The following FBP2 variants were observed in gnomAD, a reference collection of about 807,000 sequenced individuals.
The protein encoded by FBP2 is fructose-bisphosphatase 2, also known as fructose-1,6-bisphosphatase isozyme 2.
Under a neutral mutation model 31.6 loss-of-function variants are expected in FBP2, and 27 were observed. The observed-to-expected ratio is 0.85, with a 90% CI of 0.63 to 1.18. FBP2 has a LOEUF of 1.18. FBP2 is among the 50% of genes most tolerant of loss of function. The probability of loss-of-function intolerance (pLI) is 0.00; values close to 1 mark genes in which losing one functional copy is unlikely to be tolerated. For missense variants in FBP2, 421 were observed against 436.1 expected (o/e 0.97, Z 0.31); for synonymous variants, 168 against 179.8 (o/e 0.93, Z 0.53).
At chr9:94,575,470 T>C (rs1827307189) in intron 3 of FBP2, among the ~76,000 whole-genome samples, 1 of 152,250 alleles carries the variant, frequency 6.6e-6, no homozygotes, top group Non-Finnish European at 1.5e-5. Context: ...TTTGTTCTTT[T>C]TCATTGCTAT....
At chr9:94,571,280 C>T (rs1292201984) in intron 4 of FBP2, among the ~76,000 whole-genome samples, 182 bp downstream of exon 4, 1 of 152,210 alleles carries the variant, frequency 6.6e-6, no homozygotes, top group Non-Finnish European at 1.5e-5. Context: ...AGTGCCCTCA[C>T]TGGGACAGAG....
intron 6 of FBP2, among the ~76,000 whole-genome samples, chr9:94,559,367 T>C (rs1212266461): frequency 6.6e-6 from 1 of 152,246 alleles, no homozygotes; most frequent in African/African-American, 2.4e-5. Flanking sequence ...CTGAGCCATG[T>C]ATCTACCCAT....
rs1331232471 is a variant in FBP2, at chr9:94,562,362, C to T, written c.825+980G>A. Among the ~76,000 whole-genome samples, 4 of 151,614 alleles carry T rather than the reference C, an allele frequency of 2.6e-5. No individual in the cohort carries two copies. The East Asian group carries it at 7.8e-4, about 29-fold the overall frequency. ...GTCCATTGTCCATGTCTTCTACTTG[C>T]CTCACTTAGTCCTCCATGGTGCTTA... On this transcript the variant is annotated intron_variant, in intron 6 of 6. Coordinates refer to ENST00000375337, the MANE Select transcript of FBP2 (RefSeq NM_003837.4).
At chr9:94,562,031 G>A (rs1030656513) in intron 6 of FBP2, among the ~76,000 whole-genome samples, 7 of 152,026 alleles carry the variant, frequency 4.6e-5, no homozygotes, top group South Asian at 2.1e-4. Context: ...CCATGTCTTC[G>A]CCGGGCGCTG....
intron 5 of FBP2, among the ~76,000 whole-genome samples, chr9:94,566,193 GAACAGGCCCCCCAAAACCTGGCCATA>G (rs1181470290): frequency 6.6e-6 from 1 of 152,180 alleles, no homozygotes; most frequent in African/African-American, 2.4e-5. Flanking sequence ...GCACTGTTGG[GAACAGGCCCCCCAAAACCTGGCCATA>G]AACTGGCCCC....
In FBP2 at chr9:94,567,379, T is replaced by C. The variant is rs1274179248; in HGVS notation, c.596A>G (p.Lys199Arg). Residue 199 changes from lysine (K) to arginine (R), a missense_variant, in exon 5 of 7, where the codon AAA becomes AGA. By Grantham distance (26) the Lys-to-Arg change is conservative (BLOSUM62 2). Coordinates refer to ENST00000375337, the MANE Select transcript of FBP2 (RefSeq NM_003837.4). ...TCCTTTCTTCTTAATCTTGACATCT[T>C]TTTCCACCAGGACAAATTCACCAAG... ...PALGEFVLVEKDVKIKKKGKI... is the reference protein window; with the variant it reads ...PALGEFVLVERDVKIKKKGKI... 6.2e-7 allele frequency: 1 copy of C among 1,614,134 alleles called. No individual in the cohort carries two copies. Among genetic ancestry groups the C allele is most frequent in the Non-Finnish European group, 8.5e-7 (1 of 1,180,022 alleles).
At chr9:94,590,754 C>A (rs928442994) in intron 1 of FBP2, among the ~76,000 whole-genome samples, 2 of 152,202 alleles carry the variant, frequency 1.3e-5, no homozygotes, top group Non-Finnish European at 2.9e-5. Context: ...GTTTAGGCAG[C>A]CTGCTTTTAT....
Position 94,584,524 on chromosome 9 carries a change from C to G in FBP2, c.426+53G>C, listed in dbSNP as rs1827404900. On this transcript the variant is annotated intron_variant, in intron 3 of 6. Transcript: ENST00000375337. ...AACACACGGTTTTCAGCCCAGGAAC[C>G]TTCCAGAGACCACCACAGGAAGGAG... 3 of 1,192,632 alleles carry G rather than the reference C, an allele frequency of 2.5e-6. No individual in the cohort carries two copies. In the Admixed American group the frequency reaches 5.1e-5, roughly 20 times the overall value. 73.9% of individuals were successfully genotyped at this position (1,192,632 alleles called of 1,614,324 possible). A position where few individuals can be genotyped will look rare whatever the true frequency, so the allele number is the denominator to read the frequency against.
intron 3 of FBP2, among the ~76,000 whole-genome samples, chr9:94,573,516 GTTTC>G (rs1827289279): frequency 8.9e-6 from 1 of 112,172 alleles, no homozygotes; most frequent in South Asian, 3.1e-4. Context: ...ACCTCAGCAA[GTTTC>G]TTTTTTAAAT....
chr9:94,587,576 C>T, intron 1 of FBP2, 107 bp from the exon 2 acceptor site: 1 of 949,944 alleles, frequency 1.1e-6, no homozygotes, highest in Non-Finnish European at 1.7e-6. Flanking sequence ...CGTTCTGTGT[C>T]TCTGGAGTCT....
intron 3 of FBP2, among the ~76,000 whole-genome samples, chr9:94,575,795 T>C (rs1007325860): frequency 1.3e-5 from 2 of 152,220 alleles, no homozygotes; most frequent in Admixed American, 6.5e-5. Context: ...ATTTAGCCAC[T>C]CTGGAAGAGG....
chr9:94,559,150 C>G lies in FBP2; in HGVS notation c.826-18G>C. 1 of 1,603,738 alleles carries G rather than the reference C, an allele frequency of 6.2e-7. No individual in the cohort carries two copies. Among genetic ancestry groups the G allele is most frequent in the Non-Finnish European group, 8.5e-7 (1 of 1,173,402 alleles). ...AGCCGGAGCTGTGGAGGAACAGAGG[C>G]AGGTGAGTAAACTCTGCAAGTGGCC... On this transcript the variant is annotated intron_variant, in intron 6 of 6. Transcript: ENST00000375337.
intron 1 of FBP2, among the ~76,000 whole-genome samples, chr9:94,588,528 T>G (rs1253677316): frequency 6.6e-6 from 1 of 152,006 alleles, no homozygotes; most frequent in Non-Finnish European, 1.5e-5. Context: ...GAGGCTGAGA[T>G]GAAAGGATCA....
At chr9:94,563,300 C>T in intron 6 of FBP2, 42 bp downstream of exon 6, 1 of 1,601,838 alleles carries the variant, frequency 6.2e-7, no homozygotes, top group Non-Finnish European at 8.5e-7. Context: ...GCTCCCCCAC[C>T]TCCCTGACCG....
chr9:94,573,106 C>A lies in FBP2; in HGVS notation c.427-1504G>T, dbSNP rs561806498. 2.0e-5 allele frequency: 3 copies of A among 152,304 alleles called. 1 individual carries two copies. In the South Asian group the frequency reaches 6.2e-4, roughly 32 times the overall value. The allele number at this position is 152,304 out of a possible 1,614,324, so 9.4% of individuals were successfully genotyped here. A position where few individuals can be genotyped will look rare whatever the true frequency, so the allele number is the denominator to read the frequency against. ...GTGCTGGCTACAACTTTCAGGATTACATATGTTGGGTAACAGTGGCGAGTG... is the reference window on the plus strand; with the variant it reads ...GTGCTGGCTACAACTTTCAGGATTAAATATGTTGGGTAACAGTGGCGAGTG... On this transcript the variant is annotated intron_variant, in intron 3 of 6. Transcript: ENST00000375337.
chr9:94,583,546 A>G (rs936536169), intron 3 of FBP2, among the ~76,000 whole-genome samples: 4 of 152,146 alleles, frequency 2.6e-5, no homozygotes, highest in Admixed American at 2.0e-4. Flanking sequence ...TTCCTAATAC[A>G]TAGAAGACTC....
At chr9:94,573,929 G>A (rs979190583) in intron 3 of FBP2, among the ~76,000 whole-genome samples, 2 of 152,134 alleles carry the variant, frequency 1.3e-5, no homozygotes, top group Non-Finnish European at 2.9e-5. Flanking sequence ...TAAACCATCT[G>A]AGCCTGGAGA....
At chr9:94,572,831 A>G (rs777126472) in intron 3 of FBP2, 2 of 152,236 alleles carry the variant, frequency 1.3e-5, no homozygotes, top group Admixed American at 6.5e-5. Flanking sequence ...TGTGATTGTA[A>G]ATAGCACATA....
intron 3 of FBP2, among the ~76,000 whole-genome samples, chr9:94,575,553 T>C (rs1754432): frequency 0.48 from 72,841 of 152,000 alleles, 17,950 homozygotes; most frequent in East Asian, 0.6. Flanking sequence ...TGGATTTTTC[T>C]GGTTTGGGGC....
Sources: gnomAD v4.1 joint callset for allele counts (sites outside exome capture counted in the v4.1 genomes callset) on GRCh38, gnomAD v4.1.1 for gene constraint, MANE v1.5 for transcripts, NCBI Gene and HGNC (gene_info 2026-07-23, HGNC 2026-07-21) for gene names.